Variants in DGLUCY observed in about 807,000 individuals in gnomAD.
The protein encoded by DGLUCY is D-glutamate cyclase, mitochondrial.
In DGLUCY, 58 loss-of-function variants were observed where a neutral mutation model predicts 58.5. The ratio of observed to expected loss-of-function variants is 0.99; its 90% CI spans 0.80 to 1.23. The LOEUF is 1.23. Among genes scored for constraint, DGLUCY ranks in the 50% most tolerant of loss-of-function variants. DGLUCY has a pLI of 0.00. For missense variants in DGLUCY, 779 were observed against 784.7 expected (o/e 0.99, Z 0.09); for synonymous variants, 325 against 314.1 (o/e 1.03, Z -0.37).
At chr14:91,167,509 A>G (rs2140381837) in intron 4 of DGLUCY, 131 bp downstream of exon 4, 1 of 1,227,558 alleles carries the variant, frequency 8.1e-7, no homozygotes, top group Non-Finnish European at 1.2e-6. Context: ...AACCTCACTC[A>G]TGACTGTTGC....
chr14:91,213,647 T>G (rs1005467436), intron 12 of DGLUCY, among the ~76,000 whole-genome samples: 1 of 152,178 alleles, frequency 6.6e-6, no homozygotes, highest in Non-Finnish European at 1.5e-5. Context: ...CGTTTTGATA[T>G]ATGGCTTGTA....
At chr14:91,155,930 C>T (rs2047592755) in intron 1 of DGLUCY, among the ~76,000 whole-genome samples, 1 of 152,150 alleles carries the variant, frequency 6.6e-6, no homozygotes, top group Non-Finnish European at 1.5e-5. Flanking sequence ...TGCTCAGGCC[C>T]CAGTCTCCCA....
chr14:91,101,937 C>T (rs185473216), intron 1 of DGLUCY, among the ~76,000 whole-genome samples: 197 of 152,298 alleles, frequency 1.3e-3, no homozygotes, highest in African/African-American at 4.3e-3. Flanking sequence ...AAGCAATCCT[C>T]CCACCTTGGC....
At chr14:91,212,878 A>G (rs1885901755) in intron 12 of DGLUCY, among the ~76,000 whole-genome samples, 1 of 151,778 alleles carries the variant, frequency 6.6e-6, no homozygotes, top group East Asian at 1.9e-4. Flanking sequence ...GCAGGTGCCT[A>G]TAGTCCCAGC....
rs373631062 is a variant in DGLUCY, at chr14:91,075,034, T to C, written c.-82+14330T>C. Among the ~76,000 whole-genome samples, 698 of 149,490 alleles carry C rather than the reference T, an allele frequency of 4.7e-3. 11 individuals are homozygous for C. The highest frequency in any genetic ancestry group is 7.7e-3 in the Non-Finnish European group (521 of 67,688). The stretch of plus-strand genomic sequence containing the variant: ...TTGCAGTGAGCCAAGATCGTGCCAT[T>C]GCACTCCAGCGTGGGCAACAAGAGA... On this transcript the variant is annotated intron_variant, in intron 1 of 4. Coordinates refer to the DGLUCY transcript ENST00000521334.
chr14:91,103,271 G>A (rs1206243605), upstream of DGLUCY, among the ~76,000 whole-genome samples: 2 of 152,040 alleles, frequency 1.3e-5, no homozygotes, highest in Non-Finnish European at 2.9e-5. Context: ...ACACCACATG[G>A]GCTGGCCTCA....
At position 91,224,763 on chromosome 14, in the gene DGLUCY, G is replaced by A. The variant is rs756245926; in HGVS notation, c.1796G>A (p.Gly599Glu). The A allele has an allele frequency of 3.1e-6, 5 of 1,613,614 alleles. No individual in the cohort carries two copies. The highest frequency in any genetic ancestry group is 1.3e-5 in the African/African-American group (1 of 74,886). Residue 599 changes from glycine to glutamate, a missense_variant, in exon 14 of 14, where the codon GGG becomes GAG. Gly to Glu is a moderately conservative substitution (Grantham distance 98). Coordinates refer to ENST00000256324, the MANE Select transcript of DGLUCY (RefSeq NM_001102368.3). ...VSGIVGMEVD[G>E]LPFHNTHAEM... The stretch of plus-strand genomic sequence containing the variant: ...GGCATCGTGGGCATGGAGGTGGATG[G>A]GCTGCCCTTCCACAACACCCACGCC...
chr14:91,202,795 G>A (rs1434355579), intron 11 of DGLUCY, among the ~76,000 whole-genome samples: 1 of 152,218 alleles, frequency 6.6e-6, no homozygotes, highest in Non-Finnish European at 1.5e-5. Context: ...GAGGCAGGTG[G>A]AGCTGGCCGT....
chr14:91,183,867 G>A (rs114520677), intron 8 of DGLUCY, among the ~76,000 whole-genome samples: 2 of 152,106 alleles, frequency 1.3e-5, no homozygotes, highest in Admixed American at 6.5e-5. Context: ...AGTTGAAAGA[G>A]TGCTCTAGCG....
Position 91,215,409 on chromosome 14 carries a change from T to A in DGLUCY, c.1569T>A (p.Val523=), listed in dbSNP as rs560965431. 4 of 1,603,418 alleles carry A rather than the reference T, an allele frequency of 2.5e-6. No homozygotes were observed. In the East Asian group the frequency reaches 9.0e-5, roughly 36 times the overall value. ...AATCTTGTTTTGCTGTTCTAGGTGTTTCTAACTGGGGAGGCTATGCCCTGG... is the reference window on the plus strand; with the variant it reads ...AATCTTGTTTTGCTGTTCTAGGTGTATCTAACTGGGGAGGCTATGCCCTGG... The part of the protein sequence containing the change: ...VEADFAVIAG[V]SNWGGYALAC... The change falls in exon 13 of 14, where the codon GTT becomes GTA. Residue 523 remains valine (V), a synonymous_variant. Transcript: ENST00000256324.
chr14:91,128,327 A>T (rs1393952033), intron 1 of DGLUCY, among the ~76,000 whole-genome samples: 16 of 135,490 alleles, frequency 1.2e-4, no homozygotes, highest in African/African-American at 3.9e-4. Context: ...AAAAAAAAAA[A>T]CCCACAAGAA....
intron 6 of DGLUCY, among the ~76,000 whole-genome samples, chr14:91,174,988 GT>G (rs1179316604): frequency 2.6e-5 from 4 of 151,812 alleles, no homozygotes. Context: ...TTTAGGTAGA[GT>G]TTTTTTCTCT....
At chr14:91,071,607 C>T (rs11624562) in intron 1 of DGLUCY, among the ~76,000 whole-genome samples, 3,234 of 152,156 alleles carry the variant, frequency 0.021, 36 homozygotes, top group South Asian at 0.033. Context: ...TGGTGGCTCA[C>T]GCCTATAATC....
intron 9 of DGLUCY, among the ~76,000 whole-genome samples, chr14:91,189,431 G>A (rs1249988660): frequency 2.0e-5 from 3 of 152,210 alleles, no homozygotes; most frequent in Non-Finnish European, 4.4e-5. Flanking sequence ...CACACCTGCT[G>A]CTGTCCCTTT....
upstream of DGLUCY, among the ~76,000 whole-genome samples, chr14:91,103,974 C>T (rs778433021): frequency 6.6e-6 from 1 of 151,890 alleles, no homozygotes; most frequent in Non-Finnish European, 1.5e-5. Flanking sequence ...TCCAATTTGG[C>T]TTCCGCCCAC....
chr14:91,101,552 A>G (rs1195075091), intron 1 of DGLUCY, among the ~76,000 whole-genome samples: 1 of 152,036 alleles, frequency 6.6e-6, no homozygotes, highest in Non-Finnish European at 1.5e-5. Flanking sequence ...GAAGTCGTGC[A>G]CTCCTTTGCT....
intron 1 of DGLUCY, among the ~76,000 whole-genome samples, chr14:91,128,195 C>T (rs771420160): frequency 2.0e-5 from 3 of 151,400 alleles, no homozygotes; most frequent in Non-Finnish European, 4.4e-5. Context: ...AGATCCAGGC[C>T]GGTACGGTGG....
At chr14:91,181,463 T>C in intron 8 of DGLUCY, 74 bp downstream of exon 8, 1 of 1,466,968 alleles carries the variant, frequency 6.8e-7, no homozygotes, top group Non-Finnish European at 9.3e-7. Flanking sequence ...AAAATCACCT[T>C]TTCAGTGAAA....
intron 8 of DGLUCY, 137 bp downstream of exon 8, chr14:91,181,526 C>T: frequency 2.5e-6 from 2 of 806,842 alleles, no homozygotes; most frequent in Non-Finnish European, 3.9e-6. Context: ...GTTGATACTG[C>T]ATATAAATCT....
Sources: allele counts gnomAD v4.1 joint callset (sites outside exome capture counted in the v4.1 genomes callset), GRCh38; gene constraint gnomAD v4.1.1; transcripts MANE v1.5; gene names NCBI Gene and HGNC (gene_info 2026-07-23, HGNC 2026-07-21).